Variants in FSTL1 observed in about 807,000 individuals in gnomAD.
The protein encoded by FSTL1 is follistatin like 1.
In FSTL1, 24 loss-of-function variants were observed where a neutral mutation model predicts 45.9. That is an observed-to-expected ratio of 0.52 (90% CI 0.38 to 0.74). The LOEUF (loss-of-function observed/expected upper bound fraction) is 0.74, where lower values mean the gene tolerates loss of function less well. FSTL1 is among the 30% of genes least tolerant of loss of function. The pLI is 0.00. For synonymous variants in FSTL1, 120 were observed against 137.6 expected, an observed-to-expected ratio of 0.87 and a Z score of 0.89; for missense variants, 340 against 381.8, an observed-to-expected ratio of 0.89 and a Z score of 0.91.
At chr3:120,421,703 G>A (rs528683096) in intron 2 of FSTL1, among the ~76,000 whole-genome samples, 54 of 152,174 alleles carry the variant, frequency 3.5e-4, no homozygotes, top group Non-Finnish European at 5.7e-4. Flanking sequence ...GGAGGGACTG[G>A]TGATTTCTAG....
intron 10 of FSTL1, 116 bp from the exon 11 acceptor site, chr3:120,397,112 G>T: frequency 1.1e-6 from 1 of 874,368 alleles, no homozygotes; most frequent in Non-Finnish European, 1.9e-6. Context: ...AATTTTAGTT[G>T]TTTACTTGTC....
At position 120,415,884 on chromosome 3, in the gene FSTL1, C is replaced by T. The variant is rs2107657965; in HGVS notation, c.168+39G>A. The T allele has an allele frequency of 3.9e-6, 5 of 1,293,954 alleles. No homozygotes were observed. In the East Asian group the frequency reaches 1.2e-4, roughly 30 times the overall value. 80.2% of individuals were successfully genotyped at this position (1,293,954 alleles called of 1,614,324 possible). A position where few individuals can be genotyped will look rare whatever the true frequency, so the allele number is the denominator to read the frequency against. On this transcript the variant is annotated intron_variant, in intron 3 of 10. Transcript: ENST00000295633. ...TGGCTCCGCAAGGTACCACATTGGC[C>T]TTGGCCACTGTCCTCTGGCTCCCGA...
chr3:120,449,254 G>C (rs528392238), intron 2 of FSTL1, among the ~76,000 whole-genome samples: 2 of 152,144 alleles, frequency 1.3e-5, no homozygotes, highest in African/African-American at 4.8e-5. Context: ...CTGTAAAATC[G>C]GGATAATAAA....
chr3:120,431,884 C>T (rs1288699363), intron 2 of FSTL1, among the ~76,000 whole-genome samples: 1 of 152,164 alleles, frequency 6.6e-6, no homozygotes, highest in Non-Finnish European at 1.5e-5. Context: ...GGACCTAGTC[C>T]TTCAAAAATA....
At chr3:120,415,644 T>C (rs1359867415) in intron 3 of FSTL1, among the ~76,000 whole-genome samples, 2 of 152,248 alleles carry the variant, frequency 1.3e-5, no homozygotes, top group African/African-American at 4.8e-5. Context: ...GGGAAGATTA[T>C]AATTTTATGC....
At chr3:120,412,832 G>GCA (rs1451579944) in intron 3 of FSTL1, among the ~76,000 whole-genome samples, 1 of 128,520 alleles carries the variant, frequency 7.8e-6, no homozygotes, top group East Asian at 3.7e-4. Context: ...GCGCGCGCGC[G>GCA]CGCGCGCACA....
In FSTL1 at chr3:120,409,617, A is replaced by G; in HGVS notation, c.377T>C (p.Ile126Thr). 2 of 1,613,942 alleles carry G rather than the reference A, an allele frequency of 1.2e-6. No individual in the cohort carries two copies. Among genetic ancestry groups the G allele is most frequent in the Non-Finnish European group, 1.7e-6 (2 of 1,179,814 alleles). The change falls in exon 6 of 11, where the codon ATC (isoleucine) becomes ACC (threonine). Residue 126 changes from isoleucine to threonine, a missense_variant. Ile to Thr is a moderately conservative substitution (Grantham distance 89). Transcript: ENST00000295633. ...AATGATCTCAGCTTCCAGCCACTGG[A>G]TGATGCGACGTCGGAGCTCATCACG... is the stretch of plus-strand genomic sequence containing the variant. ...SNRDELRRRIIQWLEAEIIPD... is the reference protein window; with the variant it reads ...SNRDELRRRITQWLEAEIIPD...
Position 120,450,560 on chromosome 3 carries a change from C to T in FSTL1, c.63+124G>A, listed in dbSNP as rs967956820. ...CTGCCCCAGCTCCACCCCAGCACAC[C>T]CCAAGGACCGAAACTCCCAGCGCCA... On this transcript the variant is annotated intron_variant, in intron 2 of 10. Transcript: ENST00000295633. The T allele has an allele frequency of 1.1e-4, 66 of 583,586 alleles. 1 individual carries two copies. In the Middle Eastern group the frequency reaches 1.2e-3, roughly 10 times the overall value. 36.2% of individuals were successfully genotyped at this position (583,586 alleles called of 1,614,324 possible). A position where few individuals can be genotyped will look rare whatever the true frequency, so the allele number is the denominator to read the frequency against.
chr3:120,437,413 T>C (rs1029175870), intron 2 of FSTL1, among the ~76,000 whole-genome samples: 22 of 152,208 alleles, frequency 1.4e-4, no homozygotes, highest in African/African-American at 4.6e-4. Context: ...TGCCTAGGCT[T>C]AGAAAGAAAT....
At chr3:120,430,659 TCCTTATCAATATCTAACATGGAAATA>T (rs1214600903) in intron 2 of FSTL1, among the ~76,000 whole-genome samples, 1 of 152,226 alleles carries the variant, frequency 6.6e-6, no homozygotes, top group Non-Finnish European at 1.5e-5. Context: ...AATCTGCATT[TCCTTATCAATATCTAACATGGAAATA>T]GATGAAATCT....
intron 3 of FSTL1, among the ~76,000 whole-genome samples, chr3:120,412,751 A>G (rs905938472): frequency 3.3e-5 from 5 of 152,162 alleles, no homozygotes; most frequent in African/African-American, 1.2e-4. Context: ...CAATGACACA[A>G]AACAGCCAGA....
intron 2 of FSTL1, among the ~76,000 whole-genome samples, chr3:120,431,506 T>C (rs988639638): frequency 1.3e-5 from 2 of 152,150 alleles, no homozygotes; most frequent in Non-Finnish European, 2.9e-5. Context: ...AGCTAGTAGC[T>C]ATCGGCATTG....
Position 120,416,047 on chromosome 3 carries a change from AG to A in FSTL1, c.64-21del. The A allele has an allele frequency of 5.2e-6, 8 of 1,525,466 alleles. No individual in the cohort carries two copies. Among genetic ancestry groups the A allele is most frequent in the Non-Finnish European group, 7.3e-6 (8 of 1,098,980 alleles). 94.5% of individuals were successfully genotyped at this position (1,525,466 alleles called of 1,614,324 possible). A position where few individuals can be genotyped will look rare whatever the true frequency, so the allele number is the denominator to read the frequency against. On this transcript the variant is annotated intron_variant, in intron 2 of 10. Coordinates refer to ENST00000295633, the MANE Select transcript of FSTL1 (RefSeq NM_007085.5). ...CTCTTCCTAAAACATACAATCATAA[AG>A]GAAACCGTGTGACTGAGATGAACCC...
At chr3:120,405,692 C>G (rs146285826) in intron 6 of FSTL1, among the ~76,000 whole-genome samples, 88 of 152,352 alleles carry the variant, frequency 5.8e-4, no homozygotes, top group African/African-American at 1.7e-3. Context: ...CATGACCCAG[C>G]TGGCATCCCA....
intron 2 of FSTL1, among the ~76,000 whole-genome samples, chr3:120,424,830 C>T (rs912419613): frequency 1.3e-5 from 2 of 151,834 alleles, no homozygotes; most frequent in Admixed American, 6.6e-5. Flanking sequence ...AAAGGTGTCC[C>T]GTGAGGGTGG....
At chr3:120,430,793 T>C (rs1196354992) in intron 2 of FSTL1, among the ~76,000 whole-genome samples, 2 of 152,194 alleles carry the variant, frequency 1.3e-5, no homozygotes, top group Admixed American at 6.5e-5. Flanking sequence ...TCTAAGGAGC[T>C]TGTAGCTTAG....
At chr3:120,437,357 C>G (rs780370003) in intron 2 of FSTL1, among the ~76,000 whole-genome samples, 1 of 152,144 alleles carries the variant, frequency 6.6e-6, no homozygotes, top group Non-Finnish European at 1.5e-5. Context: ...TTATTAAATT[C>G]ATTAACAGGC....
intron 2 of FSTL1, among the ~76,000 whole-genome samples, chr3:120,436,508 G>A (rs1227361277): frequency 6.6e-6 from 1 of 152,202 alleles, no homozygotes; most frequent in African/African-American, 2.4e-5. Context: ...TTACCCTTCT[G>A]TGGAACAGGA....
chr3:120,397,057 T>C, intron 10 of FSTL1, 61 bp from the exon 11 acceptor site: 1 of 1,318,936 alleles, frequency 7.6e-7, no homozygotes. Context: ...GGAATTTATC[T>C]GTTCCTCAAG....
Sources: gnomAD v4.1 joint callset for allele counts (sites outside exome capture counted in the v4.1 genomes callset) on GRCh38, gnomAD v4.1.1 for gene constraint, MANE v1.5 for transcripts, NCBI Gene and HGNC (gene_info 2026-07-23, HGNC 2026-07-21) for gene names.